The following FREM3 variants were observed in gnomAD, a reference collection of about 807,000 sequenced individuals.
The protein encoded by FREM3 is FRAS1-related extracellular matrix protein 3.
A neutral mutation model predicts 129.1 loss-of-function variants in FREM3; 105 were observed. The observed-to-expected ratio is 0.81, with a 90% CI of 0.69 to 0.96. The LOEUF is 0.96. Ranked by LOEUF, FREM3 falls within the 40% of genes least tolerant of loss-of-function variation. The pLI, the probability that FREM3 is intolerant of heterozygous loss-of-function variation, is 0.00. For missense variants in FREM3, 2,593 were observed against 2,666.3 expected, an observed-to-expected ratio of 0.97 and a Z score of 0.61; for synonymous variants, 1,014 against 1,044.9, an observed-to-expected ratio of 0.97 and a Z score of 0.57.
chr4:143,676,247 C>A (rs1740117651), intron 2 of FREM3, among the ~76,000 whole-genome samples: 1 of 151,928 alleles, frequency 6.6e-6, no homozygotes, highest in Non-Finnish European at 1.5e-5. Flanking sequence ...ATATGCAAAT[C>A]AATAAACTTG....
chr4:143,678,390 G>T (rs1372304186), intron 2 of FREM3, among the ~76,000 whole-genome samples: 2 of 151,992 alleles, frequency 1.3e-5, no homozygotes, highest in South Asian at 2.1e-4. Context: ...GGGGCCTGTT[G>T]TTGGTTGGGG....
At chr4:143,687,796 T>G (rs1057462068) in intron 2 of FREM3, among the ~76,000 whole-genome samples, 1 of 152,132 alleles carries the variant, frequency 6.6e-6, no homozygotes, top group African/African-American at 2.4e-5. Context: ...GAAAGAGCAT[T>G]TGACAAAATC....
intron 2 of FREM3, among the ~76,000 whole-genome samples, chr4:143,657,970 A>G (rs1417688442): frequency 1.3e-5 from 2 of 152,114 alleles, no homozygotes; most frequent in African/African-American, 4.8e-5. Context: ...CCTACACCAC[A>G]TTTATTTAAT....
At position 143,677,202 on chromosome 4, in the gene FREM3, C is replaced by T. The variant is rs987070804; in HGVS notation, c.5275+15911G>A. On this transcript the variant is annotated intron_variant, in intron 2 of 7. Transcript: ENST00000329798. ...ACTGGTACCAAAACAGAGATATAGACCAATGGAACAGAACAGAGCCCTCAG... is the reference window on the plus strand; with the variant it reads ...ACTGGTACCAAAACAGAGATATAGATCAATGGAACAGAACAGAGCCCTCAG... Among the ~76,000 whole-genome samples the T allele has an allele frequency of 7.2e-5, 11 of 152,222 alleles. No individual in the cohort carries two copies. In the East Asian group the frequency reaches 9.7e-4, roughly 13 times the overall value.
chr4:143,664,820 C>T (rs972578329), intron 2 of FREM3, among the ~76,000 whole-genome samples: 7 of 152,270 alleles, frequency 4.6e-5, no homozygotes, highest in African/African-American at 1.2e-4. Context: ...ACCTCGCTGC[C>T]GCCTTGCTGT....
chr4:143,577,499 A>G lies in FREM3; in HGVS notation c.*112T>C, dbSNP rs1399933226. On this transcript the variant is annotated 3_prime_UTR_variant, in exon 8 of 8. Transcript: ENST00000329798. ...CACATATCACCAGAATATAACACCA[A>G]TGACAGTACAATATCACTGATATCC... 3 of 984,546 alleles carry G rather than the reference A, an allele frequency of 3.0e-6. No individual in the cohort carries two copies. The highest frequency in any genetic ancestry group is 4.4e-6 in the Non-Finnish European group (3 of 683,642). The allele number at this position is 984,546 out of a possible 1,614,324, so 61.0% of individuals were successfully genotyped here. A position where few individuals can be genotyped will look rare whatever the true frequency, so the allele number is the denominator to read the frequency against.
chr4:143,588,984 C>G (rs1193308693), intron 6 of FREM3, among the ~76,000 whole-genome samples: 1 of 152,010 alleles, frequency 6.6e-6, no homozygotes, highest in Non-Finnish European at 1.5e-5. Context: ...TTGCATTTCT[C>G]TGATGGCCAG....
At chr4:143,625,990 A>G (rs930006248) in intron 3 of FREM3, among the ~76,000 whole-genome samples, 1 of 152,228 alleles carries the variant, frequency 6.6e-6, no homozygotes, top group Non-Finnish European at 1.5e-5. Flanking sequence ...GTCACAAAAA[A>G]GAGTAAGTGA....
chr4:143,600,188 T>C (rs1189574004), intron 6 of FREM3, among the ~76,000 whole-genome samples: 2 of 151,702 alleles, frequency 1.3e-5, no homozygotes, highest in African/African-American at 2.4e-5. Context: ...TGCAGCAACC[T>C]GGATGGAATT....
chr4:143,588,485 C>G (rs1212248127), intron 6 of FREM3, among the ~76,000 whole-genome samples: 2 of 149,658 alleles, frequency 1.3e-5, no homozygotes, highest in East Asian at 2.0e-4. Flanking sequence ...TGAGTGAGAA[C>G]ATGCAGTGTT....
chr4:143,643,269 T>G (rs1739354551), intron 2 of FREM3, among the ~76,000 whole-genome samples: 1 of 152,106 alleles, frequency 6.6e-6, no homozygotes, highest in African/African-American at 2.4e-5. Flanking sequence ...CTGCTGGGTA[T>G]ATATCAAAAG....
chr4:143,622,689 A>G (rs1249311985), intron 4 of FREM3, among the ~76,000 whole-genome samples: 1 of 152,172 alleles, frequency 6.6e-6, no homozygotes, highest in Non-Finnish European at 1.5e-5. Context: ...CTAAAAGTAA[A>G]TTAAAATTAT....
chr4:143,673,095 C>G (rs926859590), intron 2 of FREM3, among the ~76,000 whole-genome samples: 1 of 152,226 alleles, frequency 6.6e-6, no homozygotes, highest in Non-Finnish European at 1.5e-5. Context: ...CTCAACTCGT[C>G]AAAGTCATTC....
intron 2 of FREM3, among the ~76,000 whole-genome samples, chr4:143,681,330 A>T (rs968591717): frequency 1.3e-5 from 2 of 152,162 alleles, no homozygotes; most frequent in Non-Finnish European, 2.9e-5. Flanking sequence ...TAATATTATT[A>T]TATGGTAAGT....
At chr4:143,641,250 C>T (rs1346211927) in intron 2 of FREM3, among the ~76,000 whole-genome samples, 2 of 151,980 alleles carry the variant, frequency 1.3e-5, no homozygotes, top group East Asian at 3.9e-4. Flanking sequence ...AAGATGACTC[C>T]AACAACAATT....
intron 2 of FREM3, among the ~76,000 whole-genome samples, chr4:143,680,980 C>T (rs1180065604): frequency 6.6e-6 from 1 of 151,958 alleles, no homozygotes. Flanking sequence ...AGTCAAATTC[C>T]ATCAGGTCAA....
chr4:143,588,771 G>C, intron 6 of FREM3, among the ~76,000 whole-genome samples: 1 of 150,864 alleles, frequency 6.6e-6, no homozygotes. Context: ...TAATGGGATG[G>C]CTGGGTCAAA....
chr4:143,698,191 G>A lies in FREM3; in HGVS notation c.2485C>T (p.Pro829Ser), dbSNP rs777435655. The A allele has an allele frequency of 3.9e-5, 60 of 1,537,322 alleles. 1 individual carries two copies. Among genetic ancestry groups the A allele is most frequent in the African/African-American group, 2.1e-4 (15 of 73,052 alleles). Reference protein sequence around the residue: ...TLFLQPVDNQPPEVTNRGFAI... With the variant: ...TLFLQPVDNQSPEVTNRGFAI... Reference sequence around the variant, plus strand: ...AAGCCTCTGTTGGTGACTTCTGGGGGCTGGTTGTCCACAGGTTGCAGGAAT... The same window carrying A: ...AAGCCTCTGTTGGTGACTTCTGGGGACTGGTTGTCCACAGGTTGCAGGAAT... Residue 829 changes from proline to serine, a missense_variant, in exon 1 of 8, where the codon CCC becomes TCC. By Grantham distance (74) the Pro-to-Ser change is moderately conservative (BLOSUM62 -1). Transcript: ENST00000329798.
At chr4:143,577,904 T>C in intron 7 of FREM3, 52 bp from the exon 8 acceptor site, 2 of 1,497,178 alleles carry the variant, frequency 1.3e-6, no homozygotes. Context: ...GTCATAAGTT[T>C]TCCTTCAGAG....
Sources: gnomAD v4.1 joint callset for allele counts (sites outside exome capture counted in the v4.1 genomes callset) on GRCh38, gnomAD v4.1.1 for gene constraint, MANE v1.5 for transcripts, NCBI Gene and HGNC (gene_info 2026-07-23, HGNC 2026-07-21) for gene names.